Variants in UPP2 observed in about 807,000 individuals in gnomAD.
UPP2 encodes uridine phosphorylase 2.
Under a neutral mutation model 26.7 loss-of-function variants are expected in UPP2, and 23 were observed. The observed-to-expected ratio is 0.86, with a 90% CI of 0.62 to 1.22. The LOEUF is 1.22. UPP2 is among the 50% of genes most tolerant of loss of function. The pLI, the probability that UPP2 is intolerant of heterozygous loss-of-function variation, is 0.00. For missense variants in UPP2, 387 were observed against 396.7 expected (o/e 0.98, Z 0.21); for synonymous variants, 127 against 141.3 (o/e 0.90, Z 0.72).
intron 3 of UPP2, among the ~76,000 whole-genome samples, chr2:158,074,329 T>C (rs1261670532): frequency 6.6e-6 from 1 of 152,174 alleles, no homozygotes; most frequent in Non-Finnish European, 1.5e-5. Context: ...AAAGACTAAA[T>C]GGTGAACCAG....
At chr2:158,011,714 A>C (rs564144594) in intron 2 of UPP2, among the ~76,000 whole-genome samples, 5 of 152,196 alleles carry the variant, frequency 3.3e-5, no homozygotes, top group Non-Finnish European at 7.3e-5. Flanking sequence ...GAAGGAAGAG[A>C]TGAATAAACC....
chr2:158,070,076 C>CAGCTCT (rs1335435745), intron 3 of UPP2, among the ~76,000 whole-genome samples: 1 of 152,142 alleles, frequency 6.6e-6, no homozygotes, highest in Non-Finnish European at 1.5e-5. Context: ...TGTTCTAGCT[C>CAGCTCT]AGCTCTAGGG....
intron 3 of UPP2, among the ~76,000 whole-genome samples, chr2:158,082,257 A>T (rs1047133492): frequency 1.3e-5 from 2 of 152,138 alleles, no homozygotes; most frequent in African/African-American, 2.4e-5. Flanking sequence ...GTCTGGTTAC[A>T]TGAATAAGTT....
intron 3 of UPP2, among the ~76,000 whole-genome samples, chr2:158,050,569 G>A (rs964828303): frequency 2.0e-5 from 3 of 151,932 alleles, no homozygotes; most frequent in Non-Finnish European, 4.4e-5. Context: ...AGGCTGAGGC[G>A]GGAAGATCCC....
chr2:158,101,747 A>G, upstream of UPP2: 1 of 777,348 alleles, frequency 1.3e-6, no homozygotes, highest in South Asian at 4.9e-5. Flanking sequence ...AATAGTTAAC[A>G]AGCTAACCAA....
Position 158,017,701 on chromosome 2 carries a change from G to C in UPP2, c.147+1815G>C, listed in dbSNP as rs572395731. ...GGCATACAACTCTGTAAGCTGATGT[G>C]GGCCTGTGGGATGAGTTCATTCCCA... On this transcript the variant is annotated intron_variant, in intron 3 of 9. Transcript: ENST00000605860. Among the ~76,000 whole-genome samples, 9 of 152,268 alleles carry C rather than the reference G, an allele frequency of 5.9e-5. No homozygotes were observed. In the South Asian group the frequency reaches 1.0e-3, roughly 18 times the overall value.
At chr2:158,010,224 G>A (rs372776907) in intron 2 of UPP2, among the ~76,000 whole-genome samples, 4 of 152,076 alleles carry the variant, frequency 2.6e-5, no homozygotes, top group Non-Finnish European at 4.4e-5. Flanking sequence ...TGATATAGGC[G>A]GAAAATATCT....
At chr2:158,007,466 G>A (rs1683509220) in intron 2 of UPP2, among the ~76,000 whole-genome samples, 1 of 152,100 alleles carries the variant, frequency 6.6e-6, no homozygotes, top group South Asian at 2.1e-4. Flanking sequence ...CAGGTGCCCT[G>A]AGTGTTCCCT....
At chr2:158,008,174 G>A (rs1220898953) in intron 2 of UPP2, among the ~76,000 whole-genome samples, 1 of 152,168 alleles carries the variant, frequency 6.6e-6, no homozygotes, top group African/African-American at 2.4e-5. Flanking sequence ...AAGACTTTGT[G>A]TGTTTTTAAT....
At chr2:158,095,684 C>CG (rs2105205706) in intron 3 of UPP2, among the ~76,000 whole-genome samples, 1 of 152,192 alleles carries the variant, frequency 6.6e-6, no homozygotes, top group East Asian at 1.9e-4. Context: ...ATCTCACAGA[C>CG]GTGTTGTGAG....
intron 3 of UPP2, among the ~76,000 whole-genome samples, chr2:158,089,724 T>A (rs149711371): frequency 2.0e-5 from 3 of 152,286 alleles, no homozygotes; most frequent in South Asian, 4.1e-4. Context: ...TCTAAATTCA[T>A]CTCAGCTCCA....
chr2:157,996,365 T>C (rs942737301), intron 2 of UPP2, among the ~76,000 whole-genome samples: 2 of 152,226 alleles, frequency 1.3e-5, no homozygotes, highest in Admixed American at 6.5e-5. Flanking sequence ...CTAAATGATA[T>C]TATTAATTTA....
chr2:158,027,512 A>G (rs1683852304), intron 3 of UPP2, among the ~76,000 whole-genome samples: 1 of 152,148 alleles, frequency 6.6e-6, no homozygotes, highest in Admixed American at 6.5e-5. Flanking sequence ...TGTAGGGTAC[A>G]GCCTCCCTCC....
At chr2:158,068,309 T>C (rs1051604336) in intron 3 of UPP2, among the ~76,000 whole-genome samples, 3 of 152,198 alleles carry the variant, frequency 2.0e-5, no homozygotes, top group Non-Finnish European at 4.4e-5. Context: ...GATTTTACAT[T>C]AAGGCATACT....
intron 3 of UPP2, among the ~76,000 whole-genome samples, chr2:158,040,599 T>C (rs1558911874): frequency 6.6e-6 from 1 of 152,236 alleles, no homozygotes; most frequent in Non-Finnish European, 1.5e-5. Flanking sequence ...CCTGCTGTAC[T>C]CATGACTGAA....
intron 3 of UPP2, among the ~76,000 whole-genome samples, chr2:158,021,165 G>A (rs1355238461): frequency 1.3e-5 from 2 of 152,158 alleles, no homozygotes; most frequent in South Asian, 2.1e-4. Flanking sequence ...CCTGGACCTA[G>A]GTTAAGAGCA....
chr2:158,116,930 A>G (rs902178184), intron 3 of UPP2, among the ~76,000 whole-genome samples: 9 of 149,510 alleles, frequency 6.0e-5, no homozygotes, highest in East Asian at 3.9e-4. Flanking sequence ...CGAAGTTTCC[A>G]TAGCTCAACA....
At chr2:158,076,898 T>C (rs2105191448) in intron 3 of UPP2, among the ~76,000 whole-genome samples, 1 of 152,206 alleles carries the variant, frequency 6.6e-6, no homozygotes, top group Non-Finnish European at 1.5e-5. Context: ...TTGCAGATGA[T>C]ATGATCTTAT....
In UPP2 at chr2:158,109,902, G is replaced by T. The variant is rs374855660; in HGVS notation, c.180+3686G>T. ...ACATTTCCGGGGAAGGCAGGAAATA[G>T]TTTGAACTGAGGAAAAATGAAAATA... On this transcript the variant is annotated intron_variant, in intron 2 of 6. Coordinates refer to ENST00000005756, the MANE Select transcript of UPP2 (RefSeq NM_173355.4). 1.0e-3 allele frequency among the ~76,000 whole-genome samples: 158 copies of T among 152,320 alleles called. 4 individuals carry two copies. The South Asian group carries it at 0.024, about 23-fold the overall frequency.
Sources: allele counts gnomAD v4.1 joint callset (sites outside exome capture counted in the v4.1 genomes callset), GRCh38; gene constraint gnomAD v4.1.1; transcripts MANE v1.5; gene names NCBI Gene and HGNC (gene_info 2026-07-23, HGNC 2026-07-21).